Variants in FANCI observed in about 807,000 individuals in gnomAD.
FANCI encodes Fanconi anemia group I protein.
Under a neutral mutation model 176.1 loss-of-function variants are expected in FANCI, and 156 were observed. The ratio of observed to expected loss-of-function variants is 0.89; its 90% CI spans 0.78 to 1.01. The LOEUF is 1.01. Ranked by LOEUF, FANCI falls within the 50% of genes least tolerant of loss-of-function variation. FANCI has a pLI of 0.00. For synonymous variants in FANCI, 613 were observed against 541.7 expected (o/e 1.13, Z -1.83); for missense variants, 1,678 against 1,534.1 (o/e 1.09, Z -1.57).
chr15:89,259,373 G>A (rs1277316829), intron 3 of FANCI: 1 of 153,540 alleles, frequency 6.5e-6, no homozygotes, highest in African/African-American at 2.4e-5. Flanking sequence ...GATCTCTGCT[G>A]CAAGGGTACA....
chr15:89,299,198 T>C (rs35163846), intron 24 of FANCI, among the ~76,000 whole-genome samples: 66,946 of 150,568 alleles, frequency 0.44, 15,130 homozygotes, highest in South Asian at 0.48. Flanking sequence ...TGAGTAATCT[T>C]ATCTCTATTC....
At chr15:89,313,416 C>T (rs1194258958) in intron 35 of FANCI, among the ~76,000 whole-genome samples, 1 of 152,126 alleles carries the variant, frequency 6.6e-6, no homozygotes, top group Non-Finnish European at 1.5e-5. Context: ...GAACCAAAAA[C>T]ATGTTTTATT....
At chr15:89,265,628 A>G (rs1331890208) in intron 9 of FANCI, among the ~76,000 whole-genome samples, 1 of 151,290 alleles carries the variant, frequency 6.6e-6, no homozygotes. Context: ...GGTTCAAGAG[A>G]TTCTCCTCCC....
At chr15:89,305,885 A>G in intron 31 of FANCI, 122 bp from the exon 32 acceptor site, 1 of 1,088,192 alleles carries the variant, frequency 9.2e-7, no homozygotes, top group African/African-American at 1.6e-5. Flanking sequence ...TTCACTCTGC[A>G]TATTGAATGT....
rs1555441211 is a variant in FANCI, at chr15:89,253,543, A to ATAAATAAATAAATAACT, written c.85-5158_85-5157insATAAATAAATAACTTAA. Among the ~76,000 whole-genome samples the ATAAATAAATAAATAACT allele has an allele frequency of 1.2e-3, 170 of 143,480 alleles. 1 individual carries two copies. Among genetic ancestry groups the ATAAATAAATAAATAACT allele is most frequent in the African/African-American group, 4.2e-3 (167 of 39,624 alleles). The allele number at this position is 143,480 out of a possible 152,430, so 94.1% of individuals were successfully genotyped here. On this transcript the variant is annotated intron_variant, in intron 2 of 37. Coordinates refer to ENST00000310775, the MANE Select transcript of FANCI (RefSeq NM_001113378.2). Reference sequence around the variant, plus strand: ...AATAAATAAATAAATAAATAAATAAATAAGTATATGTTAGAAGAAAACATG... The same window carrying ATAAATAAATAAATAACT: ...AATAAATAAATAAATAAATAAATAAATAAATAAATAAATAACTTAAGTATATGTTAGAAGAAAACATG...
intron 2 of FANCI, among the ~76,000 whole-genome samples, chr15:89,253,583 T>C (rs1172706681): frequency 2.0e-5 from 3 of 152,058 alleles, no homozygotes; most frequent in African/African-American, 7.2e-5. Context: ...AATTTCTCTT[T>C]AAGCTCAGTG....
At chr15:89,306,579 C>A (rs2054728728) in intron 32 of FANCI, among the ~76,000 whole-genome samples, 1 of 152,078 alleles carries the variant, frequency 6.6e-6, no homozygotes, top group Non-Finnish European at 1.5e-5. Context: ...GTAATCCCAG[C>A]TACTCAGGAG....
chr15:89,316,842 A>T lies in FANCI; in HGVS notation c.*383A>T, dbSNP rs1230631966. 6.2e-7 allele frequency: 1 copy of T among 1,601,314 alleles called. No individual in the cohort carries two copies. The highest frequency in any genetic ancestry group is 1.7e-5 in the Admixed American group (1 of 60,008). On this transcript the variant is annotated 3_prime_UTR_variant, in exon 38 of 38. Transcript: ENST00000310775. ...CAGCGCTTCACCTGAAAGATAGTGC[A>T]AATTGGTTAGGATGCCACCTCAAGA... is the stretch of plus-strand genomic sequence containing the variant.
rs62020347 is a variant in FANCI, at chr15:89,260,719, C to T, written c.164C>T (p.Pro55Leu). ...CCCTGTTTAAAACAATAAGGTTCCC[C>T]CTGCTCTGAGGAAGCTGGAACACTT... is the stretch of plus-strand genomic sequence containing the variant. ...ALLRAIFKGS[P>L]CSEEAGTLRR... Residue 55 changes from proline to leucine, a missense_variant, in exon 4 of 38, where the codon CCC becomes CTC. Physicochemically the swap from Pro to Leu is moderately conservative, Grantham distance 98. This residue lies in a region of FANCI where 469 missense variants were observed against 436.9 expected (regional missense o/e 1.07). Coordinates refer to ENST00000310775, the MANE Select transcript of FANCI (RefSeq NM_001113378.2). 94,797 of 1,613,550 alleles carry T rather than the reference C, an allele frequency of 0.059. 3,111 individuals carry two copies. The highest frequency in any genetic ancestry group is 0.075 in the South Asian group (6,804 of 91,042).
At chr15:89,282,228 A>C (rs1240552565) in intron 16 of FANCI, 1 of 227,750 alleles carries the variant, frequency 4.4e-6, no homozygotes, top group Non-Finnish European at 8.9e-6. Context: ...TCTAGTGTCA[A>C]ATACTCTGAA....
intron 9 of FANCI, among the ~76,000 whole-genome samples, chr15:89,267,857 G>GTGGT (rs2053034978): frequency 6.6e-6 from 1 of 152,116 alleles, no homozygotes; most frequent in Admixed American, 6.5e-5. Context: ...AGCCTGGGAG[G>GTGGT]TTGAGGCCAC....
intron 24 of FANCI, among the ~76,000 whole-genome samples, chr15:89,299,169 C>CAAA (rs34417823): frequency 3.6e-5 from 4 of 110,182 alleles, no homozygotes; most frequent in Admixed American, 9.2e-5. Context: ...GACTCTGTCT[C>CAAA]AAAAAAAAAA....
chr15:89,267,377 A>C (rs914293692), intron 9 of FANCI, among the ~76,000 whole-genome samples: 1 of 150,098 alleles, frequency 6.7e-6, no homozygotes, highest in Non-Finnish European at 1.5e-5. Flanking sequence ...GATGCCCTGG[A>C]AGCTAAGAGA....
chr15:89,266,024 T>C (rs2052938471), intron 9 of FANCI, among the ~76,000 whole-genome samples: 1 of 149,784 alleles, frequency 6.7e-6, no homozygotes, highest in Non-Finnish European at 1.5e-5. Flanking sequence ...TTTAAGAGTG[T>C]CTTGCCCTGT....
At chr15:89,253,722 G>A (rs975037116) in intron 2 of FANCI, among the ~76,000 whole-genome samples, 4 of 144,072 alleles carry the variant, frequency 2.8e-5, no homozygotes, top group Admixed American at 7.2e-5. Flanking sequence ...ATGGCAAACT[G>A]GGAAAAAATA....
intron 34 of FANCI, among the ~76,000 whole-genome samples, chr15:89,309,453 A>G (rs1445944859): frequency 6.6e-6 from 1 of 152,142 alleles, no homozygotes; most frequent in East Asian, 1.9e-4. Context: ...GTCCATTTGC[A>G]TATTAAAGGT....
intron 22 of FANCI, among the ~76,000 whole-genome samples, chr15:89,293,578 C>T (rs1157907679): frequency 2.0e-5 from 3 of 152,182 alleles, no homozygotes; most frequent in Admixed American, 6.5e-5. Context: ...GTCCTAGCTA[C>T]TCGGGAGGCT....
chr15:89,305,556 C>A, intron 30 of FANCI, 49 bp from the exon 31 acceptor site: 3 of 1,603,988 alleles, frequency 1.9e-6, no homozygotes, highest in South Asian at 2.2e-5. Flanking sequence ...TATTATATTA[C>A]CCCCACAGCT....
At chr15:89,254,009 G>T (rs978810595) in intron 2 of FANCI, among the ~76,000 whole-genome samples, 1 of 151,994 alleles carries the variant, frequency 6.6e-6, no homozygotes, top group Non-Finnish European at 1.5e-5. Flanking sequence ...ATATTTTTAT[G>T]TGTATAAACA....
Sources: allele counts gnomAD v4.1 joint callset (sites outside exome capture counted in the v4.1 genomes callset), GRCh38; gene constraint gnomAD v4.1.1; regional missense constraint gnomAD v4.1.1; transcripts MANE v1.5; gene names NCBI Gene and HGNC (gene_info 2026-07-23, HGNC 2026-07-21).